The following ETFBKMT variants were observed in gnomAD, a reference collection of about 807,000 sequenced individuals.
The protein encoded by ETFBKMT is electron transfer flavoprotein beta subunit lysine methyltransferase.
ETFBKMT carries 13 observed loss-of-function variants against 18.3 expected under a neutral mutation model. That is an observed-to-expected ratio of 0.71 (90% CI 0.46 to 1.13). The LOEUF (loss-of-function observed/expected upper bound fraction) is 1.13. ETFBKMT is among the 50% of genes most tolerant of loss of function. The probability of loss-of-function intolerance (pLI) is 0.00; values close to 1 mark genes in which losing one functional copy is unlikely to be tolerated. For synonymous variants in ETFBKMT, 84 were observed against 107.9 expected, an observed-to-expected ratio of 0.78 and a Z score of 1.37; for missense variants, 293 against 306.2, an observed-to-expected ratio of 0.96 and a Z score of 0.32.
intron 1 of ETFBKMT, among the ~76,000 whole-genome samples, chr12:31,647,980 T>C (rs7961226): frequency 0.15 from 22,511 of 152,198 alleles, 1,763 homozygotes; most frequent in African/African-American, 0.2. Flanking sequence ...AATTTGAGCA[T>C]AGAGTTACTA....
intron 2 of ETFBKMT, among the ~76,000 whole-genome samples, chr12:31,663,343 G>A (rs146226993): frequency 1.3e-5 from 2 of 151,612 alleles, no homozygotes; most frequent in East Asian, 1.9e-4. Context: ...CGCCCTCCTC[G>A]GCCTCCCAAA....
upstream of ETFBKMT, among the ~76,000 whole-genome samples, chr12:31,655,163 C>T (rs1951051336): frequency 6.6e-6 from 1 of 151,656 alleles, no homozygotes. Flanking sequence ...TATTCACTAT[C>T]TTGATTTTGG....
At chr12:31,658,267 A>T (rs1360147719), upstream of ETFBKMT, among the ~76,000 whole-genome samples, 1 of 152,248 alleles carries the variant, frequency 6.6e-6, no homozygotes, top group African/African-American at 2.4e-5. Flanking sequence ...TGAGAAAACA[A>T]GCGTTTACAT....
Position 31,672,210 on chromosome 12 carries a change from G to T in ETFBKMT, c.*4220G>T. 1.2e-6 allele frequency: 1 copy of T among 811,422 alleles called. No homozygotes were observed. The allele number at this position is 811,422 out of a possible 1,614,324, so 50.3% of individuals were successfully genotyped here. ...AGACAATAAAATAATTAAAAATAGTGTTAACATTAAGTAGAATGCAAATCT... is the reference window on the plus strand; with the variant it reads ...AGACAATAAAATAATTAAAAATAGTTTTAACATTAAGTAGAATGCAAATCT... On this transcript the variant is annotated 3_prime_UTR_variant, in exon 4 of 4. Coordinates refer to ENST00000357721, the MANE Select transcript of ETFBKMT (RefSeq NM_001135863.2).
At chr12:31,658,491 T>C (rs1951080615), upstream of ETFBKMT, among the ~76,000 whole-genome samples, 1 of 152,238 alleles carries the variant, frequency 6.6e-6, no homozygotes, top group Non-Finnish European at 1.5e-5. Context: ...AAGTTTCCTT[T>C]CCTTGTAGTA....
chr12:31,664,240 A>G lies in ETFBKMT; in HGVS notation c.315-1847A>G, dbSNP rs147914381. Among the ~76,000 whole-genome samples, 17 of 151,884 alleles carry G rather than the reference A, an allele frequency of 1.1e-4. No individual in the cohort carries two copies. The East Asian group carries it at 3.1e-3, about 28-fold the overall frequency. On this transcript the variant is annotated intron_variant, in intron 2 of 3. Coordinates refer to ENST00000357721, the MANE Select transcript of ETFBKMT (RefSeq NM_001135863.2). ...ATCCCTCTTCGCTTGTTTGGTAACT[A>G]TTTAGCTCCAGTCCAAATTCCTTGG...
chr12:31,668,243 T>C lies in ETFBKMT; in HGVS notation c.*253T>C. On this transcript the variant is annotated 3_prime_UTR_variant, in exon 4 of 4. Coordinates refer to ENST00000357721, the MANE Select transcript of ETFBKMT (RefSeq NM_001135863.2). ...TTTAACCGCTGAAGGAATATGATTA[T>C]ACAATGCCATACTCAATGGTGGCAG... The C allele has an allele frequency of 5.3e-6, 2 of 379,546 alleles. No individual in the cohort carries two copies. The highest frequency in any genetic ancestry group is 9.4e-6 in the Non-Finnish European group (2 of 212,314). The allele number at this position is 379,546 out of a possible 1,614,324, so 23.5% of individuals were successfully genotyped here.
chr12:31,667,965 G>T lies in ETFBKMT; in HGVS notation c.764G>T (p.Ser255Ile). 1 of 1,613,732 alleles carries T rather than the reference G, an allele frequency of 6.2e-7. No homozygotes were observed. The highest frequency in any genetic ancestry group is 8.5e-7 in the Non-Finnish European group (1 of 1,179,698). The change falls in exon 4 of 4, where the codon AGC becomes ATC. Residue 255 changes from serine (S) to isoleucine (I), a missense_variant. Coordinates refer to ENST00000357721, the MANE Select transcript of ETFBKMT (RefSeq NM_001135863.2). The stretch of plus-strand genomic sequence containing the variant: ...CAGGAAAACAGTGGACTGACAACAA[G>T]CACAGTGTGGGGTTTTCAGCCTTGA... Reference protein sequence around the residue: ...TRQENSGLTTSTVWGFQP With the variant: ...TRQENSGLTTITVWGFQP
chr12:31,657,707 G>C (rs1951073738), upstream of ETFBKMT, among the ~76,000 whole-genome samples: 1 of 149,322 alleles, frequency 6.7e-6, no homozygotes, highest in South Asian at 2.1e-4. Context: ...CAGGAGAATG[G>C]CTTGAACCCA....
In ETFBKMT at chr12:31,672,040, A is replaced by C. The variant is rs534813222; in HGVS notation, c.*4050A>C. 1 of 340,484 alleles carries C rather than the reference A, an allele frequency of 2.9e-6. No individual in the cohort carries two copies. Among genetic ancestry groups the C allele is most frequent in the African/African-American group, 2.1e-5 (1 of 47,630 alleles). The allele number at this position is 340,484 out of a possible 1,614,324, so 21.1% of individuals were successfully genotyped here. ...TAAGAAACAGAATCCAACACCATAG[A>C]TCAGAGTTCATGCTAGGATTATCAT... On this transcript the variant is annotated 3_prime_UTR_variant, in exon 4 of 4. Transcript: ENST00000357721.
chr12:31,654,495 G>T (rs922477002), upstream of ETFBKMT, among the ~76,000 whole-genome samples: 2 of 152,192 alleles, frequency 1.3e-5, no homozygotes, highest in Non-Finnish European at 2.9e-5. Flanking sequence ...AGCTTTATTT[G>T]TAATAGTAAA....
chr12:31,652,962 A>G (rs1025531647), intron 1 of ETFBKMT, among the ~76,000 whole-genome samples: 4 of 152,252 alleles, frequency 2.6e-5, no homozygotes, highest in Non-Finnish European at 5.9e-5. Context: ...TAATCCCAGC[A>G]CTTTGGGAGG....
At chr12:31,651,486 C>T (rs1267167552) in intron 1 of ETFBKMT, among the ~76,000 whole-genome samples, 1 of 151,886 alleles carries the variant, frequency 6.6e-6, no homozygotes, top group African/African-American at 2.4e-5. Flanking sequence ...CGTGCCACCA[C>T]GCATGGCTAA....
chr12:31,650,315 A>G (rs901241314), intron 1 of ETFBKMT, among the ~76,000 whole-genome samples: 60 of 152,202 alleles, frequency 3.9e-4, no homozygotes, highest in African/African-American at 1.4e-3. Flanking sequence ...GACAGTTTAC[A>G]AATGCTGTGG....
chr12:31,661,498 G>A (rs1214299767), intron 1 of ETFBKMT, among the ~76,000 whole-genome samples: 2 of 151,298 alleles, frequency 1.3e-5, no homozygotes, highest in Admixed American at 6.6e-5. Flanking sequence ...TTTATGAGAC[G>A]GAGTTTTGCT....
chr12:31,667,028 T>C (rs1951205613), intron 3 of ETFBKMT, among the ~76,000 whole-genome samples: 2 of 149,990 alleles, frequency 1.3e-5, no homozygotes, highest in African/African-American at 4.9e-5. Context: ...AGAGTCTCAC[T>C]CTATTGCCCA....
Position 31,662,071 on chromosome 12 carries a change from G to A in ETFBKMT, c.118G>A (p.Gly40Arg). The A allele has an allele frequency of 1.2e-6, 2 of 1,614,202 alleles. No individual in the cohort carries two copies. Among genetic ancestry groups the A allele is most frequent in the Non-Finnish European group, 1.7e-6 (2 of 1,180,026 alleles). ...PCGQCPWRGA[G>R]SFLDPEIKAF... ...TGGCCAGTGTCCCTGGAGAGGAGCT[G>A]GAAGCTTTTTGGACCCTGAGATAAA... Residue 40 changes from glycine to arginine, a missense_variant, in exon 2 of 4, where the codon GGA (glycine) becomes AGA (arginine). Physicochemically the swap from Gly to Arg is moderately radical, Grantham distance 125 (BLOSUM62 -2). Transcript: ENST00000357721.
chr12:31,658,213 C>T (rs1420801019), upstream of ETFBKMT, among the ~76,000 whole-genome samples: 3 of 152,146 alleles, frequency 2.0e-5, no homozygotes, highest in Non-Finnish European at 4.4e-5. Context: ...AGGTTCACTG[C>T]TAGCAGGAGA....
At chr12:31,659,612 C>CT (rs1343303950), upstream of ETFBKMT, 1 of 152,192 alleles carries the variant, frequency 6.6e-6, no homozygotes, top group Non-Finnish European at 1.5e-5. Flanking sequence ...CAAATAATCT[C>CT]TATTTGCTCT....
Sources: gnomAD v4.1 joint callset for allele counts (sites outside exome capture counted in the v4.1 genomes callset) on GRCh38, gnomAD v4.1.1 for gene constraint, MANE v1.5 for transcripts, NCBI Gene and HGNC (gene_info 2026-07-23, HGNC 2026-07-21) for gene names.